Variants in LINGO2 observed in about 807,000 individuals in gnomAD.
The protein encoded by LINGO2 is leucine-rich repeat and immunoglobulin-like domain-containing nogo receptor-interacting protein 2.
In LINGO2, 14 loss-of-function variants were observed where a neutral mutation model predicts 30.6. That is an observed-to-expected ratio of 0.46 (90% CI 0.30 to 0.72). The LOEUF is 0.72. LINGO2 is among the 30% of genes least tolerant of loss of function. LINGO2 has a pLI of 0.07. For missense variants in LINGO2, 729 were observed against 751.7 expected, an observed-to-expected ratio of 0.97 and a Z score of 0.35; for synonymous variants, 317 against 288.5, an observed-to-expected ratio of 1.10 and a Z score of -1.00.
At position 28,051,230 on chromosome 9, in the gene LINGO2, A is replaced by C. The variant is rs563699574; in HGVS notation, c.-86-38825T>G. On this transcript the variant is annotated intron_variant, in intron 4 of 5. Transcript: ENST00000379992. Reference sequence around the variant, plus strand: ...CCATCAGCTAGTATAGTTTTCTCCAAAGTGAAGACTGAAAACTATCAGAAA... The same window carrying C: ...CCATCAGCTAGTATAGTTTTCTCCACAGTGAAGACTGAAAACTATCAGAAA... Among the ~76,000 whole-genome samples, 56 of 152,088 alleles carry C rather than the reference A, an allele frequency of 3.7e-4. No homozygotes were observed. In the East Asian group the frequency reaches 7.8e-3, roughly 21 times the overall value.
At chr9:28,807,568 A>G in the LINGO2 span, among the ~76,000 whole-genome samples, 1 of 152,230 alleles carries the variant, frequency 6.6e-6, no homozygotes, top group Non-Finnish European at 1.5e-5. Context: ...TATCTGTAAC[A>G]TAAGTACAAT....
At chr9:28,004,496 A>C (rs1822158224) in intron 5 of LINGO2, among the ~76,000 whole-genome samples, 1 of 152,208 alleles carries the variant, frequency 6.6e-6, no homozygotes, top group Admixed American at 6.5e-5. Context: ...AATGTAAGCC[A>C]GTTTGTCACA....
the LINGO2 span, among the ~76,000 whole-genome samples, chr9:29,037,156 G>A: frequency 6.6e-6 from 1 of 151,674 alleles, no homozygotes; most frequent in Non-Finnish European, 1.5e-5. Flanking sequence ...TAAAAGTGTG[G>A]AACCTTATCT....
the LINGO2 span, among the ~76,000 whole-genome samples, chr9:28,772,716 C>G: frequency 6.6e-6 from 1 of 152,178 alleles, no homozygotes; most frequent in Non-Finnish European, 1.5e-5. Flanking sequence ...AAGACAGCAG[C>G]ACTCTGGATA....
intron 3 of LINGO2, among the ~76,000 whole-genome samples, chr9:28,305,929 G>C (rs1301071994): frequency 2.0e-5 from 3 of 152,012 alleles, no homozygotes; most frequent in Non-Finnish European, 4.4e-5. Flanking sequence ...TGTGAGCTTT[G>C]AGAATTTAAA....
At chr9:28,158,557 C>T (rs1828199184) in intron 4 of LINGO2, among the ~76,000 whole-genome samples, 1 of 152,166 alleles carries the variant, frequency 6.6e-6, no homozygotes, top group African/African-American at 2.4e-5. Flanking sequence ...AGTGTCCCCT[C>T]CTCTCTCAAA....
chr9:28,210,534 C>A (rs969623564), intron 4 of LINGO2, among the ~76,000 whole-genome samples: 1 of 151,604 alleles, frequency 6.6e-6, no homozygotes, highest in African/African-American at 2.4e-5. Flanking sequence ...TGTGCCATTA[C>A]AATTAACAGC....
the LINGO2 span, among the ~76,000 whole-genome samples, chr9:29,075,629 T>C: frequency 6.6e-6 from 1 of 152,192 alleles, no homozygotes; most frequent in Non-Finnish European, 1.5e-5. Context: ...AAATGATCTC[T>C]AATTTGAGAA....
At chr9:28,646,642 G>C (rs1177766849) in intron 1 of LINGO2, among the ~76,000 whole-genome samples, 1 of 152,018 alleles carries the variant, frequency 6.6e-6, no homozygotes, top group Admixed American at 6.6e-5. Flanking sequence ...CAACACTGTT[G>C]AAGGGAGAAG....
At position 28,183,129 on chromosome 9, in the gene LINGO2, A is replaced by G. The variant is rs1321861313; in HGVS notation, c.-87+112079T>C. Among the ~76,000 whole-genome samples, 3 of 152,216 alleles carry G rather than the reference A, an allele frequency of 2.0e-5. No homozygotes were observed. The East Asian group carries it at 5.8e-4, about 29-fold the overall frequency. On this transcript the variant is annotated intron_variant, in intron 4 of 5. Coordinates refer to ENST00000379992, the Ensembl canonical transcript of LINGO2. Reference sequence around the variant, plus strand: ...CCATAGAATACTGTGCAGCCATAAAAAGGAATGAGATCATGTCCTTTGCAG... The same window carrying G: ...CCATAGAATACTGTGCAGCCATAAAGAGGAATGAGATCATGTCCTTTGCAG...
At chr9:29,193,528 G>A in the LINGO2 span, among the ~76,000 whole-genome samples, 2 of 152,076 alleles carry the variant, frequency 1.3e-5, no homozygotes, top group Admixed American at 1.3e-4. Flanking sequence ...TGCCTTTGAG[G>A]TATTAATAAT....
intron 1 of LINGO2, among the ~76,000 whole-genome samples, chr9:28,649,107 CT>C (rs1827972889): frequency 6.6e-6 from 1 of 152,058 alleles, no homozygotes; most frequent in Admixed American, 6.6e-5. Context: ...TGGCGCTCAC[CT>C]TTTTCCACTT....
the LINGO2 span, among the ~76,000 whole-genome samples, chr9:28,826,439 C>T: frequency 1.3e-5 from 2 of 152,238 alleles, no homozygotes; most frequent in South Asian, 2.1e-4. Flanking sequence ...TTTTCCTGTA[C>T]TTCTGCTGGG....
At chr9:28,408,796 A>G (rs1416309362) in intron 2 of LINGO2, among the ~76,000 whole-genome samples, 1 of 151,484 alleles carries the variant, frequency 6.6e-6, no homozygotes, top group Non-Finnish European at 1.5e-5. Flanking sequence ...AACAAAAAAA[A>G]ACAAATAGAA....
intron 5 of LINGO2, among the ~76,000 whole-genome samples, chr9:27,969,103 AGATTTTCAT>A (rs1820236125): frequency 6.8e-6 from 1 of 147,246 alleles, no homozygotes; most frequent in Non-Finnish European, 1.5e-5. Flanking sequence ...CTCAGCAAAC[AGATTTTCAT>A]GATTCAAAAT....
intron 1 of LINGO2, among the ~76,000 whole-genome samples, chr9:28,595,323 G>A (rs748719608): frequency 6.6e-6 from 1 of 151,970 alleles, no homozygotes; most frequent in East Asian, 1.9e-4. Context: ...TGTATGTTGA[G>A]CTCAACTTTT....
chr9:29,191,449 C>G, the LINGO2 span, among the ~76,000 whole-genome samples: 2 of 151,864 alleles, frequency 1.3e-5, no homozygotes, highest in African/African-American at 4.8e-5. Flanking sequence ...TTTATTATGA[C>G]AGGTTATTAG....
At chr9:28,958,627 C>T in the LINGO2 span, among the ~76,000 whole-genome samples, 3 of 151,984 alleles carry the variant, frequency 2.0e-5, no homozygotes, top group Non-Finnish European at 4.4e-5. Context: ...GCCCCCTTAT[C>T]ATATTATGCA....
chr9:28,062,518 T>TA (rs1316860878), intron 4 of LINGO2, among the ~76,000 whole-genome samples: 2 of 145,386 alleles, frequency 1.4e-5, no homozygotes, highest in Non-Finnish European at 3.0e-5. Context: ...ATATACTATA[T>TA]TGTATATACA....
Sources: gnomAD v4.1 joint callset for allele counts (sites outside exome capture counted in the v4.1 genomes callset) on GRCh38, gnomAD v4.1.1 for gene constraint, MANE v1.5 for transcripts, NCBI Gene and HGNC (gene_info 2026-07-23, HGNC 2026-07-21) for gene names.